HMGCLL1: variants seen among roughly 807,000 people sequenced by gnomAD.
The protein encoded by HMGCLL1 is 3-hydroxymethyl-3-methylglutaryl-CoA lyase, cytoplasmic.
Under a neutral mutation model 39.1 loss-of-function variants are expected in HMGCLL1, and 36 were observed. That is an observed-to-expected ratio of 0.92 (90% CI 0.71 to 1.22). HMGCLL1 has a LOEUF of 1.22. Among genes scored for constraint, HMGCLL1 ranks in the 50% most tolerant of loss-of-function variants. The pLI is 0.00. For missense variants in HMGCLL1, 451 were observed against 416.5 expected (o/e 1.08, Z -0.72); for synonymous variants, 149 against 144.0 (o/e 1.03, Z -0.25).
the HMGCLL1 span, among the ~76,000 whole-genome samples, chr6:55,628,262 T>A: frequency 8.0e-6 from 1 of 125,712 alleles, no homozygotes; most frequent in Non-Finnish European, 1.6e-5. Flanking sequence ...AACATTTTTT[T>A]CTCTTTCAGC....
chr6:55,596,431 T>A, the HMGCLL1 span, among the ~76,000 whole-genome samples: 2 of 152,186 alleles, frequency 1.3e-5, no homozygotes, highest in East Asian at 3.8e-4. Context: ...AAATTGCAAT[T>A]GTAGAAAACA....
chr6:55,572,887 A>T (rs1771584201), intron 1 of HMGCLL1, among the ~76,000 whole-genome samples: 1 of 152,234 alleles, frequency 6.6e-6, no homozygotes, highest in South Asian at 2.1e-4. Flanking sequence ...GTATTTCAGC[A>T]GCCAATATAC....
the HMGCLL1 span, among the ~76,000 whole-genome samples, chr6:55,606,902 G>A: frequency 1.2e-3 from 181 of 152,200 alleles, no homozygotes; most frequent in Middle Eastern, 0.01. Flanking sequence ...CACAGTGAAA[G>A]GGAGAGAGAG....
the HMGCLL1 span, among the ~76,000 whole-genome samples, chr6:55,636,403 A>G: frequency 6.6e-6 from 1 of 152,160 alleles, no homozygotes; most frequent in Admixed American, 6.6e-5. Context: ...TCTCACTAAG[A>G]ACAAAGGGTC....
intron 3 of HMGCLL1, among the ~76,000 whole-genome samples, chr6:55,538,010 T>G (rs887222033): frequency 1.3e-5 from 2 of 152,182 alleles, no homozygotes; most frequent in African/African-American, 4.8e-5. Context: ...CCTTTTTTTT[T>G]CCTTTTGTCC....
At chr6:55,669,758 G>C in the HMGCLL1 span, among the ~76,000 whole-genome samples, 1 of 151,802 alleles carries the variant, frequency 6.6e-6, no homozygotes, top group South Asian at 2.1e-4. Context: ...AAACGACAGA[G>C]GAAAGAGCCA....
At chr6:55,660,443 C>T in the HMGCLL1 span, among the ~76,000 whole-genome samples, 1 of 151,756 alleles carries the variant, frequency 6.6e-6, no homozygotes, top group African/African-American at 2.4e-5. Flanking sequence ...AATTTAGCTC[C>T]CACTTATAAA....
intron 7 of HMGCLL1, among the ~76,000 whole-genome samples, chr6:55,469,832 T>C (rs1048563242): frequency 4.6e-5 from 7 of 151,854 alleles, no homozygotes; most frequent in African/African-American, 1.7e-4. Flanking sequence ...TGCCATTAAG[T>C]TATTTACAAC....
chr6:55,539,918 GA>G (rs546685807), intron 3 of HMGCLL1, among the ~76,000 whole-genome samples: 1 of 126,086 alleles, frequency 7.9e-6, no homozygotes, highest in Non-Finnish European at 1.7e-5. Flanking sequence ...AAGAAAGAAA[GA>G]AAAGGAGGAT....
At position 55,572,555 on chromosome 6, in the gene HMGCLL1, A is replaced by AT. The variant is rs531740170; in HGVS notation, c.108+6392dup. Among the ~76,000 whole-genome samples, 898 of 152,064 alleles carry AT rather than the reference A, an allele frequency of 5.9e-3. 3 individuals are homozygous for AT. The highest frequency in any genetic ancestry group is 0.021 in the Middle Eastern group (6 of 292). ...ATACCAAAAACCATTTGGAATAGTC[A>AT]TTTTTTCCATACAATATTTTTCATG... On this transcript the variant is annotated intron_variant, in intron 1 of 8. Coordinates refer to ENST00000274901, the MANE Select transcript of HMGCLL1 (RefSeq NM_001042406.2).
the HMGCLL1 span, among the ~76,000 whole-genome samples, chr6:55,598,315 C>CA: frequency 3.3e-5 from 5 of 151,738 alleles, no homozygotes; most frequent in Non-Finnish European, 5.9e-5. Context: ...AAAAAAATTA[C>CA]AAAAAAAATT....
At chr6:55,462,149 T>A (rs974089897) in intron 7 of HMGCLL1, among the ~76,000 whole-genome samples, 16 of 152,174 alleles carry the variant, frequency 1.1e-4, no homozygotes, top group Non-Finnish European at 2.2e-4. Context: ...GAAGACTATA[T>A]GACAATACCT....
At chr6:55,675,353 C>T in the HMGCLL1 span, among the ~76,000 whole-genome samples, 2 of 152,070 alleles carry the variant, frequency 1.3e-5, no homozygotes, top group Non-Finnish European at 2.9e-5. Context: ...TAGCCTTGAA[C>T]ATAAGAAGTA....
intron 3 of HMGCLL1, among the ~76,000 whole-genome samples, chr6:55,528,468 T>C (rs1228583793): frequency 1.3e-5 from 2 of 152,056 alleles, no homozygotes; most frequent in Non-Finnish European, 2.9e-5. Context: ...AATAGCACTG[T>C]AGCCTGGGTA....
At chr6:55,450,458 G>T (rs1450040698) in intron 7 of HMGCLL1, among the ~76,000 whole-genome samples, 3 of 152,218 alleles carry the variant, frequency 2.0e-5, no homozygotes, top group African/African-American at 4.8e-5. Context: ...ACTGTAAAAT[G>T]AGTATAATAG....
the HMGCLL1 span, among the ~76,000 whole-genome samples, chr6:55,644,481 G>A: frequency 4.6e-5 from 7 of 151,950 alleles, no homozygotes; most frequent in Non-Finnish European, 7.4e-5. Context: ...TCAGACTAAC[G>A]TCCTGGGGAA....
chr6:55,502,195 G>C (rs1766925776), intron 5 of HMGCLL1, among the ~76,000 whole-genome samples: 1 of 151,540 alleles, frequency 6.6e-6, no homozygotes, highest in Non-Finnish European at 1.5e-5. Flanking sequence ...AGTTATCTTG[G>C]CATATTGAAT....
the HMGCLL1 span, among the ~76,000 whole-genome samples, chr6:55,676,047 G>T: frequency 1.3e-5 from 2 of 152,086 alleles, no homozygotes; most frequent in Non-Finnish European, 2.9e-5. Context: ...TTGGCCTTAT[G>T]TGTTTGATTA....
chr6:55,589,618 G>C, the HMGCLL1 span, among the ~76,000 whole-genome samples: 1 of 152,026 alleles, frequency 6.6e-6, no homozygotes, highest in African/African-American at 2.4e-5. Flanking sequence ...AGTTGTCCCT[G>C]TTTGCAGATC....
Sources: allele counts gnomAD v4.1 joint callset (sites outside exome capture counted in the v4.1 genomes callset), GRCh38; gene constraint gnomAD v4.1.1; transcripts MANE v1.5; gene names NCBI Gene and HGNC (gene_info 2026-07-23, HGNC 2026-07-21).